Variants in TSBP1 observed in about 807,000 individuals in gnomAD.
TSBP1 encodes testis expressed basic protein 1, also known as testis-expressed basic protein 1.
Under a neutral mutation model 68.8 loss-of-function variants are expected in TSBP1, and 56 were observed. That is an observed-to-expected ratio of 0.81 (90% confidence interval 0.66 to 1.02). TSBP1 has a LOEUF of 1.02. TSBP1 is among the 50% of genes least tolerant of loss of function. TSBP1 has a pLI of 0.00. For synonymous variants in TSBP1, 171 were observed against 208.7 expected (o/e 0.82, Z 1.56); for missense variants, 502 against 641.2 (o/e 0.78, Z 2.34).
At chr6:32,294,873 C>CT (rs578120947) in intron 22 of TSBP1, among the ~76,000 whole-genome samples, 43 of 151,738 alleles carry the variant, frequency 2.8e-4, no homozygotes, top group African/African-American at 1.0e-3. Flanking sequence ...TTTTTATTTG[C>CT]TTTTGTTTTT....
rs1769747354 is a variant in TSBP1, at chr6:32,336,965, G to GTGTCAGAAGA, written c.410-340_410-331dup. Among the ~76,000 whole-genome samples the GTGTCAGAAGA allele has an allele frequency of 7.6e-6, 1 of 131,610 alleles. No individual in the cohort carries two copies. Among genetic ancestry groups the GTGTCAGAAGA allele is most frequent in the Non-Finnish European group, 1.8e-5 (1 of 56,860 alleles). The allele number at this position is 131,610 out of a possible 152,430, so 86.3% of individuals were successfully genotyped here. A position where few individuals can be genotyped will look rare whatever the true frequency, so the allele number is the denominator to read the frequency against. ...TGTCTGATTGCTTGGGCATCAGAAG[G>GTGTCAGAAGA]TGTCAGAAGATTTGAATACAATTAA... On this transcript the variant is annotated intron_variant, in intron 11 of 22. Coordinates refer to ENST00000612031, the Ensembl canonical transcript of TSBP1. This position sits in a 1 kb window ranked among gnomAD's most constrained non-coding sequence, Gnocchi z 5.2.
intron 6 of TSBP1, among the ~76,000 whole-genome samples, chr6:32,362,920 T>A (rs1773224796): frequency 6.6e-6 from 1 of 152,172 alleles, no homozygotes; most frequent in Non-Finnish European, 1.5e-5. Flanking sequence ...GTAACTTTAT[T>A]TTCTCCCATG....
At chr6:32,347,412 A>C (rs543049202) in intron 9 of TSBP1, among the ~76,000 whole-genome samples, 51 of 152,202 alleles carry the variant, frequency 3.4e-4, no homozygotes, top group African/African-American at 1.2e-3. Context: ...TTTTAGAAAA[A>C]ATCCATACCC....
At chr6:32,339,228 A>AT (rs1770041117) in intron 10 of TSBP1, among the ~76,000 whole-genome samples, 1 of 61,590 alleles carries the variant, frequency 1.6e-5, no homozygotes, top group Non-Finnish European at 3.6e-5. Flanking sequence ...AATCCTTCTA[A>AT]AGTTATAGAT....
chr6:32,326,277 A>G, intron 16 of TSBP1: 2 of 757,398 alleles, frequency 2.6e-6, no homozygotes, highest in Non-Finnish European at 4.5e-6. Context: ...CAGTGGTGGC[A>G]GGGCCTAGCT....
At position 32,316,523 on chromosome 6, in the gene TSBP1, C is replaced by A; in HGVS notation, c.560-731G>T. The A allele has an allele frequency of 4.9e-6, 4 of 819,286 alleles. No homozygotes were observed. The highest frequency in any genetic ancestry group is 7.9e-6 in the Non-Finnish European group (4 of 504,142). 50.8% of individuals were successfully genotyped at this position (819,286 alleles called of 1,614,324 possible). The stretch of plus-strand genomic sequence containing the variant: ...TTGGTAGTCACACAGCTCTGGATGA[C>A]AATGGCTAATTCTCTGTTAAAAGCT... On this transcript the variant is annotated intron_variant, in intron 18 of 22. Coordinates refer to ENST00000612031, the Ensembl canonical transcript of TSBP1. The surrounding 1 kb of genome is among the most constrained non-coding windows in gnomAD (Gnocchi z 4.5).
chr6:32,322,695 A>G (rs1449855397), intron 18 of TSBP1, among the ~76,000 whole-genome samples, 189 bp from the exon 20 acceptor site: 1 of 152,194 alleles, frequency 6.6e-6, no homozygotes, highest in Admixed American at 6.5e-5. Flanking sequence ...TGTAAGATTT[A>G]GCAGTGATGA....
chr6:32,366,756 C>A (rs776102913), intron 4 of TSBP1, among the ~76,000 whole-genome samples: 2 of 72,694 alleles, frequency 2.8e-5, no homozygotes, highest in African/African-American at 9.7e-5. Flanking sequence ...GTGCGAGACT[C>A]CGTCTCAAAA....
Position 32,335,532 on chromosome 6 carries a change from T to G in TSBP1, c.452-75A>C, listed in dbSNP as rs1381667285. The G allele has an allele frequency of 4.7e-6, 5 of 1,056,424 alleles. No homozygotes were observed. In the Admixed American group the frequency reaches 1.6e-4, roughly 34 times the overall value. 65.4% of individuals were successfully genotyped at this position (1,056,424 alleles called of 1,614,324 possible). A position where few individuals can be genotyped will look rare whatever the true frequency, so the allele number is the denominator to read the frequency against. ...ATACTTTTTATTTATATACTTTAATTTGTATACTTTCCCTAGTAGGAATCT... is the reference window on the plus strand; with the variant it reads ...ATACTTTTTATTTATATACTTTAATGTGTATACTTTCCCTAGTAGGAATCT... On this transcript the variant is annotated intron_variant, in intron 13 of 22. Transcript: ENST00000612031. The surrounding 1 kb of genome is among the most constrained non-coding windows in gnomAD (Gnocchi z 5.5).
At chr6:32,354,198 CAT>C (rs1472301529) in intron 8 of TSBP1, among the ~76,000 whole-genome samples, 2 of 139,560 alleles carry the variant, frequency 1.4e-5, no homozygotes, top group African/African-American at 2.8e-5. Flanking sequence ...TTTAACATAA[CAT>C]ATAAAAGTTG....
chr6:32,334,255 T>A (rs1333446167), intron 14 of TSBP1, among the ~76,000 whole-genome samples: 2 of 152,192 alleles, frequency 1.3e-5, no homozygotes, highest in African/African-American at 4.8e-5. Flanking sequence ...TTCTTCCTAC[T>A]TTTGTTCTTT....
intron 8 of TSBP1, among the ~76,000 whole-genome samples, chr6:32,353,756 T>G (rs1226700494): frequency 6.6e-6 from 1 of 151,876 alleles, no homozygotes; most frequent in East Asian, 1.9e-4. Flanking sequence ...ATATATAAGA[T>G]GAAGATGGCA....
intron 4 of TSBP1, among the ~76,000 whole-genome samples, chr6:32,367,243 A>AAGAGAGAG (rs67714335): frequency 0.015 from 1,970 of 130,714 alleles, 36 homozygotes; most frequent in Admixed American, 0.031. Flanking sequence ...GAGGGAAGGA[A>AAGAGAGAG]AGAGAGAGAG....
chr6:32,359,066 C>T (rs1238062840), intron 6 of TSBP1, among the ~76,000 whole-genome samples: 1 of 127,008 alleles, frequency 7.9e-6, no homozygotes, highest in Non-Finnish European at 1.7e-5. Context: ...TATCCCTCCC[C>T]CCTCCCCCCA....
chr6:32,308,957 C>CCTTTTTTTTTTTTTTTTTTTTTTTTTTTT lies in TSBP1; in HGVS notation c.581-6329_581-6328insAAAAAAAAAAAAAAAAAAAAAAAAAAAAG, dbSNP rs1562075680. On this transcript the variant is annotated intron_variant, in intron 19 of 22. Transcript: ENST00000612031. Reference sequence around the variant, plus strand: ...TCTCCTTCTCCTTCTTTTCTTCCTGCTTTTTTTTTTTTTTTTTTGACAGGG... The same window carrying CCTTTTTTTTTTTTTTTTTTTTTTTTTTTT: ...TCTCCTTCTCCTTCTTTTCTTCCTGCCTTTTTTTTTTTTTTTTTTTTTTTTTTTTTTTTTTTTTTTTTTTTTTGACAGGG... 1.6e-5 allele frequency among the ~76,000 whole-genome samples: 2 copies of CCTTTTTTTTTTTTTTTTTTTTTTTTTTTT among 122,050 alleles called. 1 individual carries two copies. 80.1% of individuals were successfully genotyped at this position (122,050 alleles called of 152,430 possible). A position where few individuals can be genotyped will look rare whatever the true frequency, so the allele number is the denominator to read the frequency against.
At chr6:32,332,541 A>T (rs1769161831) in intron 14 of TSBP1, among the ~76,000 whole-genome samples, 1 of 152,202 alleles carries the variant, frequency 6.6e-6, no homozygotes, top group Non-Finnish European at 1.5e-5. Context: ...TAGAGCAGTG[A>T]CTGCTGCTTT....
intron 18 of TSBP1, among the ~76,000 whole-genome samples, chr6:32,318,337 A>G (rs1767195869): frequency 6.6e-6 from 1 of 152,192 alleles, no homozygotes; most frequent in Non-Finnish European, 1.5e-5. Flanking sequence ...AGGAAAAATA[A>G]CTAAGGGGTT....
rs1229747174 is a variant in TSBP1, at chr6:32,338,976, T to C, written c.409+3A>G. 4 of 1,610,834 alleles carry C rather than the reference T, an allele frequency of 2.5e-6. No individual in the cohort carries two copies. In the South Asian group the frequency reaches 4.4e-5, roughly 18 times the overall value. The stretch of plus-strand genomic sequence containing the variant: ...AGAATTAAAGGGCAGAAAAAGAACT[T>C]ACTCATGGCTCCTGCAGTTCTGGCT... On this transcript the variant is annotated splice_donor_region_variant and intron_variant, in intron 11 of 22. Transcript: ENST00000612031. This position sits in a 1 kb window ranked among gnomAD's most constrained non-coding sequence, Gnocchi z 5.5.
chr6:32,355,712 C>A, intron 6 of TSBP1, 43 bp from the exon 7 acceptor site: 1 of 1,569,546 alleles, frequency 6.4e-7, no homozygotes, highest in South Asian at 1.1e-5. Context: ...TTTGGATATT[C>A]TATTTCTGTA....
Sources: gnomAD v4.1 joint callset for allele counts (sites outside exome capture counted in the v4.1 genomes callset) on GRCh38, gnomAD v4.1.1 for gene constraint, Gnocchi (gnomAD v3.1) non-coding constraint, MANE v1.5 for transcripts, NCBI Gene and HGNC (gene_info 2026-07-23, HGNC 2026-07-21) for gene names.